The following PAX8 variants were observed in gnomAD, a reference collection of about 807,000 sequenced individuals.
PAX8 encodes paired box protein Pax-8.
A neutral mutation model predicts 52.4 loss-of-function variants in PAX8; 15 were observed. That is an observed-to-expected ratio of 0.29 (90% CI 0.19 to 0.44). The LOEUF (loss-of-function observed/expected upper bound fraction) is 0.44, where lower values mean the gene tolerates loss of function less well. Ranked by LOEUF, PAX8 falls within the 20% of genes least tolerant of loss-of-function variation. PAX8 has a pLI of 1.00. For missense variants in PAX8, 554 were observed against 602.5 expected, an observed-to-expected ratio of 0.92 and a Z score of 0.84; for synonymous variants, 284 against 249.7, an observed-to-expected ratio of 1.14 and a Z score of -1.29.
At chr2:113,236,744 C>A in intron 7 of PAX8, 23 bp from the exon 8 acceptor site, 1 of 1,547,066 alleles carries the variant, frequency 6.5e-7, no homozygotes, top group Non-Finnish European at 8.7e-7. Flanking sequence ...GAGAAGTCAG[C>A]GCACAGAGAC....
intron 2 of PAX8, chr2:113,268,689 G>A (rs1693256576): frequency 6.6e-6 from 1 of 152,478 alleles, no homozygotes; most frequent in Non-Finnish European, 1.5e-5. Context: ...AAGAGGAAGA[G>A]GAATCATGGA....
At chr2:113,219,262 AG>A (rs1294434464) in intron 11 of PAX8, among the ~76,000 whole-genome samples, 1 of 152,110 alleles carries the variant, frequency 6.6e-6, no homozygotes, top group African/African-American at 2.4e-5. Context: ...ATGGGAGGAG[AG>A]GGGGTCTTGG....
intron 2 of PAX8, chr2:113,271,165 T>C (rs886694462): frequency 3.9e-5 from 6 of 152,144 alleles, no homozygotes; most frequent in African/African-American, 1.4e-4. Context: ...TGGCCACCAC[T>C]CCTAGCTATG....
chr2:113,221,706 C>T (rs563048719), intron 10 of PAX8, among the ~76,000 whole-genome samples: 5 of 152,162 alleles, frequency 3.3e-5, no homozygotes, highest in Non-Finnish European at 7.3e-5. Flanking sequence ...AATCAGTCAT[C>T]CAACCAGTCT....
At chr2:113,243,447 A>G (rs1398798180) in intron 4 of PAX8, among the ~76,000 whole-genome samples, 2 of 151,658 alleles carry the variant, frequency 1.3e-5, no homozygotes, top group Non-Finnish European at 1.5e-5. Flanking sequence ...GCTGGAGTCC[A>G]GTGGCGTGAT....
intron 6 of PAX8, 134 bp from the exon 7 acceptor site, chr2:113,241,860 T>C (rs1690876371): frequency 6.9e-7 from 1 of 1,440,408 alleles, no homozygotes; most frequent in African/African-American, 1.4e-5. Flanking sequence ...CCCAGGAGCC[T>C]TGGCCAACTG....
chr2:113,241,669 C>G lies in PAX8; in HGVS notation c.659G>C (p.Arg220Pro). Residue 220 changes from arginine to proline, a missense_variant, in exon 7 of 12, where the codon CGA becomes CCA. Physicochemically the swap from Arg to Pro is moderately radical, Grantham distance 103. Transcript: ENST00000429538. ...IDSQSSSSGP[R>P]KHLRTDAFSQ... ...GAAGGCATCCGTGCGAAGGTGCTTT[C>G]GGGGTCCGCTGCTGCTGCTCTGTGA... The G allele has an allele frequency of 6.2e-7, 1 of 1,614,140 alleles. No individual in the cohort carries two copies. Among genetic ancestry groups the G allele is most frequent in the Non-Finnish European group, 8.5e-7 (1 of 1,180,026 alleles).
intron 2 of PAX8, among the ~76,000 whole-genome samples, chr2:113,262,254 A>C (rs1462839921): frequency 6.6e-6 from 1 of 152,106 alleles, no homozygotes; most frequent in Non-Finnish European, 1.5e-5. Flanking sequence ...GGGCTCAAGC[A>C]ATCTTCTGGC....
chr2:113,233,003 T>C (rs1411698851), intron 9 of PAX8, among the ~76,000 whole-genome samples: 3 of 150,330 alleles, frequency 2.0e-5, no homozygotes, highest in Admixed American at 6.6e-5. Flanking sequence ...GTAACTGACA[T>C]GAACCTCTTC....
chr2:113,237,602 G>A (rs1690470908), intron 7 of PAX8: 1 of 152,118 alleles, frequency 6.6e-6, no homozygotes, highest in Non-Finnish European at 1.5e-5. Context: ...CCTCATTTTA[G>A]ATGCCTCCTG....
intron 2 of PAX8, chr2:113,263,602 T>C (rs992935745): frequency 1.3e-5 from 2 of 152,362 alleles, no homozygotes; most frequent in Middle Eastern, 3.4e-3. Flanking sequence ...GAGGCTCAAA[T>C]GGCATGTGCA....
At chr2:113,259,729 C>G (rs1692527400) in intron 2 of PAX8, 1 of 152,164 alleles carries the variant, frequency 6.6e-6, no homozygotes, top group South Asian at 2.1e-4. Flanking sequence ...ACATGAACTT[C>G]TAGTCAGGGG....
At chr2:113,254,676 C>T (rs927336639) in intron 2 of PAX8, among the ~76,000 whole-genome samples, 1 of 152,178 alleles carries the variant, frequency 6.6e-6, no homozygotes, top group Admixed American at 6.5e-5. Context: ...CAATGCCTAC[C>T]ACTACCTGAC....
At chr2:113,228,164 T>C (rs1241742227) in intron 9 of PAX8, among the ~76,000 whole-genome samples, 1 of 152,132 alleles carries the variant, frequency 6.6e-6, no homozygotes, top group Non-Finnish European at 1.5e-5. Flanking sequence ...ATCTACTGCA[T>C]ATAACAATGA....
At chr2:113,236,483 C>T (rs1326370294) in intron 8 of PAX8, 118 bp downstream of exon 8, 11 of 1,253,842 alleles carry the variant, frequency 8.8e-6, no homozygotes, top group Admixed American at 2.7e-5. Context: ...CCTGGCGGCC[C>T]GGCCGGCACA....
In PAX8 at chr2:113,219,201, C is replaced by G. The variant is rs139900723; in HGVS notation, c.1277-592G>C. On this transcript the variant is annotated intron_variant, in intron 11 of 11. Coordinates refer to ENST00000429538, the MANE Select transcript of PAX8 (RefSeq NM_003466.4). ...GTTGGAGTTGAACTCATCTGGCAAACAGGGCCCAGGTCTGCCACCTTTCAA... is the reference window on the plus strand; with the variant it reads ...GTTGGAGTTGAACTCATCTGGCAAAGAGGGCCCAGGTCTGCCACCTTTCAA... Among the ~76,000 whole-genome samples, 1,514 of 152,302 alleles carry G rather than the reference C, an allele frequency of 9.9e-3. 19 individuals are homozygous for G. The highest frequency in any genetic ancestry group is 0.021 in the South Asian group (99 of 4,818).
intron 9 of PAX8, among the ~76,000 whole-genome samples, chr2:113,232,117 C>T (rs1236013813): frequency 2.6e-5 from 4 of 152,192 alleles, no homozygotes; most frequent in Non-Finnish European, 4.4e-5. Context: ...CCTTCCCCAC[C>T]GCCCCCCGTC....
At chr2:113,236,844 C>G (rs989954915) in intron 7 of PAX8, 123 bp from the exon 8 acceptor site, 3 of 1,084,974 alleles carry the variant, frequency 2.8e-6, no homozygotes, top group Non-Finnish European at 3.9e-6. Context: ...CTCATCGCCC[C>G]CTTCTTCCTT....
At chr2:113,272,361 G>C (rs1244898277) in intron 2 of PAX8, 1 of 152,160 alleles carries the variant, frequency 6.6e-6, no homozygotes, top group Non-Finnish European at 1.5e-5. Flanking sequence ...TTTGCTCATT[G>C]TATTTCTATC....
Sources: allele counts gnomAD v4.1 joint callset (sites outside exome capture counted in the v4.1 genomes callset), GRCh38; gene constraint gnomAD v4.1.1; transcripts MANE v1.5; gene names NCBI Gene and HGNC (gene_info 2026-07-23, HGNC 2026-07-21).